ZNF608: variants seen among roughly 807,000 people sequenced by gnomAD.
ZNF608 encodes the protein zinc finger protein 608.
ZNF608 carries 12 observed loss-of-function variants against 109.0 expected under a neutral mutation model. The observed-to-expected ratio is 0.11, with a 90% confidence interval of 0.07 to 0.18. ZNF608 has a LOEUF of 0.18. Among genes scored for constraint, ZNF608 ranks in the 10% least tolerant of loss-of-function variants. The pLI, the probability that ZNF608 is intolerant of heterozygous loss-of-function variation, is 1.00. For synonymous variants in ZNF608, 732 were observed against 717.4 expected (o/e 1.02, Z -0.33); for missense variants, 1,707 against 1,879.3 (o/e 0.91, Z 1.70).
chr5:124,726,463 A>G (rs1415075585), intron 2 of ZNF608, among the ~76,000 whole-genome samples: 2 of 151,654 alleles, frequency 1.3e-5, no homozygotes, highest in Non-Finnish European at 2.9e-5. Flanking sequence ...TTCTTTCACA[A>G]CTCCACATAT....
At chr5:124,638,802 A>G in intron 9 of ZNF608, 1 of 1,091,956 alleles carries the variant, frequency 9.2e-7, no homozygotes, top group Non-Finnish European at 1.1e-6. Context: ...ATGAAAATAA[A>G]TGTCTCCATT....
intron 2 of ZNF608, among the ~76,000 whole-genome samples, chr5:124,715,236 A>T (rs1753644866): frequency 6.6e-6 from 1 of 152,242 alleles, no homozygotes; most frequent in Non-Finnish European, 1.5e-5. Context: ...ATTCTTGCAC[A>T]GTTACCAAGT....
intron 2 of ZNF608, among the ~76,000 whole-genome samples, chr5:124,704,652 A>G (rs577820815): frequency 7.9e-5 from 12 of 152,200 alleles, no homozygotes; most frequent in Non-Finnish European, 1.5e-4. Context: ...TAAAATAATT[A>G]TTGGATTATG....
intron 5 of ZNF608, 92 bp downstream of exon 5, chr5:124,646,587 G>T: frequency 1.4e-6 from 2 of 1,451,070 alleles, no homozygotes; most frequent in East Asian, 2.3e-5. Flanking sequence ...TTTCTTTCCT[G>T]TGTCAGAAGT....
chr5:124,726,695 T>C (rs1754153596), intron 2 of ZNF608, among the ~76,000 whole-genome samples: 1 of 149,032 alleles, frequency 6.7e-6, no homozygotes, highest in Non-Finnish European at 1.5e-5. Flanking sequence ...GTCACTGCCT[T>C]GCTCAAAATT....
intron 3 of ZNF608, among the ~76,000 whole-genome samples, chr5:124,686,411 T>C (rs767703089): frequency 1.3e-5 from 2 of 152,192 alleles, no homozygotes; most frequent in Non-Finnish European, 2.9e-5. Context: ...TTCAGACTTT[T>C]TGAACTGAAA....
At chr5:124,715,328 G>A (rs1425598240) in intron 2 of ZNF608, among the ~76,000 whole-genome samples, 1 of 152,226 alleles carries the variant, frequency 6.6e-6, no homozygotes, top group South Asian at 2.1e-4. Flanking sequence ...ACAGGATCAC[G>A]CTCTCTTGGC....
intron 3 of ZNF608, among the ~76,000 whole-genome samples, chr5:124,693,487 T>C (rs772145119): frequency 2.0e-5 from 3 of 152,178 alleles, no homozygotes; most frequent in Admixed American, 6.5e-5. Flanking sequence ...TATTCACATA[T>C]AATAATAAAC....
intron 3 of ZNF608, among the ~76,000 whole-genome samples, chr5:124,673,280 A>G (rs1231599173): frequency 1.3e-5 from 2 of 152,220 alleles, no homozygotes; most frequent in Non-Finnish European, 2.9e-5. Context: ...AATCTCTTAC[A>G]AATGATTAGA....
chr5:124,683,686 ATATAAACATATAACC>A (rs1172500327), intron 3 of ZNF608, among the ~76,000 whole-genome samples: 25 of 152,328 alleles, frequency 1.6e-4, no homozygotes, highest in African/African-American at 6.0e-4. Flanking sequence ...TGTTTAAACT[ATATAAACATATAACC>A]TGAATAAAAG....
rs985200315 is a variant in ZNF608, at chr5:124,639,053, C to G, written c.4532+80G>C. 6.4e-6 allele frequency: 9 copies of G among 1,406,636 alleles called. No homozygotes were observed. The Admixed American group carries it at 1.2e-4, about 18-fold the overall frequency. The allele number at this position is 1,406,636 out of a possible 1,614,324, so 87.1% of individuals were successfully genotyped here. A position where few individuals can be genotyped will look rare whatever the true frequency, so the allele number is the denominator to read the frequency against. On this transcript the variant is annotated intron_variant, in intron 9 of 9. Transcript: ENST00000513986. The stretch of plus-strand genomic sequence containing the variant: ...AAACCCAAGGAGTTAAGTTTTTGGT[C>G]TAAAAATCCTGTACTTGCTTCCTCC...
intron 3 of ZNF608, among the ~76,000 whole-genome samples, chr5:124,665,685 A>T (rs182070672): frequency 6.6e-6 from 1 of 152,348 alleles, no homozygotes. Context: ...TTCAGTAGCC[A>T]TCCAGTTTTA....
intron 2 of ZNF608, among the ~76,000 whole-genome samples, chr5:124,721,487 C>G (rs920576869): frequency 1.2e-4 from 19 of 152,084 alleles, no homozygotes; most frequent in African/African-American, 4.6e-4. Flanking sequence ...CAGAACAAAA[C>G]AGCAAAAGTG....
rs920819034 is a variant in ZNF608, at chr5:124,676,446, GACAA to G, written c.1162+24564_1162+24567del. 2.6e-5 allele frequency among the ~76,000 whole-genome samples: 4 copies of G among 152,212 alleles called. 1 individual carries two copies. The South Asian group carries it at 6.2e-4, about 24-fold the overall frequency. ...CTTATCTAGACCGCTATTAAGAGCA[GACAA>G]ACAAAGCTCCTGTTCCTTTACACTA... On this transcript the variant is annotated intron_variant, in intron 3 of 9. Transcript: ENST00000513986.
intron 2 of ZNF608, among the ~76,000 whole-genome samples, chr5:124,742,386 A>G (rs745797516): frequency 1.3e-5 from 2 of 152,230 alleles, no homozygotes; most frequent in African/African-American, 2.4e-5. Flanking sequence ...AGTGAATCCA[A>G]TCAAATGGCT....
At chr5:124,708,725 C>A (rs1227781495) in intron 2 of ZNF608, 2 of 456,116 alleles carry the variant, frequency 4.4e-6, no homozygotes, top group Admixed American at 2.3e-5. Flanking sequence ...GTATGAAGAC[C>A]AACCCTGCCC....
At chr5:124,668,390 C>A (rs1351289848) in intron 3 of ZNF608, among the ~76,000 whole-genome samples, 1 of 150,196 alleles carries the variant, frequency 6.7e-6, no homozygotes, top group African/African-American at 2.5e-5. Context: ...AACAAAACAC[C>A]ACACAGAAAA....
intron 3 of ZNF608, among the ~76,000 whole-genome samples, chr5:124,678,734 AG>A (rs1365191444): frequency 1.1e-4 from 16 of 152,294 alleles, no homozygotes. Context: ...ATGAGCCAAA[AG>A]CTTTCCCTCT....
upstream of ZNF608, chr5:124,748,533 G>A: frequency 7.1e-6 from 7 of 985,214 alleles, no homozygotes; most frequent in Non-Finnish European, 7.2e-6. Flanking sequence ...CCGTACTTAC[G>A]GTCTGTATTG....
Sources: allele counts gnomAD v4.1 joint callset (sites outside exome capture counted in the v4.1 genomes callset), GRCh38; gene constraint gnomAD v4.1.1; transcripts MANE v1.5; gene names NCBI Gene and HGNC (gene_info 2026-07-23, HGNC 2026-07-21).